The following HLCS variants were observed in gnomAD, a reference collection of about 807,000 sequenced individuals.
HLCS encodes holocarboxylase synthetase.
A neutral mutation model predicts 75.0 loss-of-function variants in HLCS; 53 were observed. That is an observed-to-expected ratio of 0.71 (90% confidence interval 0.57 to 0.89). The LOEUF (loss-of-function observed/expected upper bound fraction) is 0.89, where lower values mean the gene tolerates loss of function less well. Ranked by LOEUF, HLCS falls within the 40% of genes least tolerant of loss-of-function variation. HLCS has a pLI of 0.00. For synonymous variants in HLCS, 431 were observed against 428.6 expected, an observed-to-expected ratio of 1.01 and a Z score of -0.07; for missense variants, 966 against 1,074.0, an observed-to-expected ratio of 0.90 and a Z score of 1.41.
chr21:36,988,204 A>G (rs2146753254), intron 1 of HLCS, among the ~76,000 whole-genome samples: 1 of 152,192 alleles, frequency 6.6e-6, no homozygotes, highest in Middle Eastern at 3.4e-3. Context: ...CAAGTAGCCA[A>G]TTTATTAGTT....
chr21:36,955,006 A>G (rs972159978), intron 2 of HLCS, among the ~76,000 whole-genome samples: 2 of 152,198 alleles, frequency 1.3e-5, no homozygotes, highest in African/African-American at 4.8e-5. Context: ...GGTTGCAATG[A>G]GCCAAGATAG....
chr21:36,923,002 G>A (rs1227669912), intron 5 of HLCS, among the ~76,000 whole-genome samples: 3 of 152,158 alleles, frequency 2.0e-5, no homozygotes, highest in Admixed American at 6.5e-5. Flanking sequence ...CCAGCTCCGC[G>A]GCCCGGGAGC....
At chr21:36,889,347 C>T (rs1293431694) in intron 6 of HLCS, among the ~76,000 whole-genome samples, 1 of 152,204 alleles carries the variant, frequency 6.6e-6, no homozygotes, top group African/African-American at 2.4e-5. Context: ...ACTGCGGTTT[C>T]ACGTCATTTC....
At chr21:36,867,582 C>T (rs563153555) in intron 6 of HLCS, among the ~76,000 whole-genome samples, 22 of 152,288 alleles carry the variant, frequency 1.4e-4, no homozygotes, top group African/African-American at 5.3e-4. Flanking sequence ...CCCTCTATTT[C>T]CACTCCTTTG....
intron 6 of HLCS, among the ~76,000 whole-genome samples, chr21:36,868,317 C>T (rs1229530748): frequency 8.0e-6 from 1 of 124,762 alleles, no homozygotes; most frequent in Admixed American, 7.3e-5. Flanking sequence ...AAGACCCCTT[C>T]TATATTAACA....
intron 6 of HLCS, among the ~76,000 whole-genome samples, chr21:36,844,039 T>G (rs950690271): frequency 2.6e-5 from 4 of 152,196 alleles, no homozygotes; most frequent in Non-Finnish European, 5.9e-5. Flanking sequence ...GACTACTTAT[T>G]TGGATCACTA....
intron 6 of HLCS, among the ~76,000 whole-genome samples, chr21:36,870,076 A>C (rs957394071): frequency 2.0e-5 from 3 of 152,202 alleles, no homozygotes; most frequent in Admixed American, 6.5e-5. Flanking sequence ...ACACCAAAGC[A>C]TGCATGTTTT....
intron 1 of HLCS, among the ~76,000 whole-genome samples, chr21:36,982,982 C>T (rs1266888373): frequency 2.0e-5 from 3 of 151,634 alleles, no homozygotes; most frequent in Non-Finnish European, 2.9e-5. Context: ...TGCAGTGAGC[C>T]GAGATTGTGC....
intron 2 of HLCS, among the ~76,000 whole-genome samples, chr21:36,957,998 C>T (rs2068060146): frequency 6.6e-6 from 1 of 151,286 alleles, no homozygotes; most frequent in Admixed American, 6.6e-5. Context: ...GAGGCCGAGG[C>T]AGGTGGATCC....
At chr21:36,799,589 C>T (rs1015674202) in intron 6 of HLCS, among the ~76,000 whole-genome samples, 1 of 152,164 alleles carries the variant, frequency 6.6e-6, no homozygotes, top group Non-Finnish European at 1.5e-5. Context: ...AGGCAGGGGA[C>T]TAAGGGACAC....
chr21:36,920,169 A>G (rs1010090020), intron 5 of HLCS, among the ~76,000 whole-genome samples: 1 of 152,084 alleles, frequency 6.6e-6, no homozygotes, highest in Admixed American at 6.5e-5. Flanking sequence ...CCATCTCTAC[A>G]AAACACAAAA....
chr21:36,912,117 G>T (rs929840132), intron 5 of HLCS, among the ~76,000 whole-genome samples: 4 of 151,274 alleles, frequency 2.6e-5, no homozygotes, highest in Non-Finnish European at 5.9e-5. Context: ...ACATGATCCA[G>T]CAATTCCACT....
At chr21:36,828,004 G>A (rs962668495) in intron 6 of HLCS, among the ~76,000 whole-genome samples, 1 of 151,926 alleles carries the variant, frequency 6.6e-6, no homozygotes, top group African/African-American at 2.4e-5. Flanking sequence ...TAGTAGAGAT[G>A]GGGTTTCACC....
intron 10 of HLCS, among the ~76,000 whole-genome samples, chr21:36,756,213 CAGATCACAAGGTCAGGA>C (rs1939438111): frequency 1.3e-5 from 2 of 151,916 alleles, no homozygotes; most frequent in Admixed American, 1.3e-4. Flanking sequence ...CCAAGGCGGG[CAGATCACAAGGTCAGGA>C]GATCGAGACC....
intron 6 of HLCS, among the ~76,000 whole-genome samples, chr21:36,857,529 C>T (rs1877652026): frequency 2.0e-5 from 3 of 152,186 alleles, no homozygotes; most frequent in Admixed American, 2.0e-4. Context: ...TACCAGCAGT[C>T]TTAGCAAGGC....
chr21:36,945,537 A>C (rs886853703), intron 2 of HLCS, among the ~76,000 whole-genome samples: 12 of 152,234 alleles, frequency 7.9e-5, no homozygotes, highest in Admixed American at 7.2e-4. Flanking sequence ...AATACATTAC[A>C]TTAAGTGAAA....
intron 6 of HLCS, among the ~76,000 whole-genome samples, chr21:36,857,263 C>T (rs1281054631): frequency 6.6e-6 from 1 of 152,216 alleles, no homozygotes; most frequent in Non-Finnish European, 1.5e-5. Flanking sequence ...CAGCGATATT[C>T]CCAAAGGAGA....
intron 6 of HLCS, among the ~76,000 whole-genome samples, chr21:36,855,827 C>T (rs536562982): frequency 6.6e-6 from 1 of 152,286 alleles, no homozygotes; most frequent in Non-Finnish European, 1.5e-5. Flanking sequence ...ATCTGCCCTC[C>T]TTGGCTTCCC....
intron 2 of HLCS, among the ~76,000 whole-genome samples, chr21:36,948,900 A>C (rs7276605): frequency 0.56 from 85,309 of 151,840 alleles, 24,222 homozygotes; most frequent in East Asian, 0.64. Flanking sequence ...CATGACTGAC[A>C]AGATGCTCAG....
Sources: allele counts gnomAD v4.1 joint callset (sites outside exome capture counted in the v4.1 genomes callset), GRCh38; gene constraint gnomAD v4.1.1; transcripts MANE v1.5; gene names NCBI Gene and HGNC (gene_info 2026-07-23, HGNC 2026-07-21).